TENM3: variants seen among roughly 807,000 people sequenced by gnomAD.
The protein encoded by TENM3 is teneurin-3.
Under a neutral mutation model 255.1 loss-of-function variants are expected in TENM3, and 63 were observed. The observed-to-expected ratio is 0.25, with a 90% CI of 0.20 to 0.30. The LOEUF (loss-of-function observed/expected upper bound fraction) is 0.30, where lower values mean the gene tolerates loss of function less well. Ranked by LOEUF, TENM3 falls within the 10% of genes least tolerant of loss-of-function variation. The probability of loss-of-function intolerance (pLI) is 1.00; values close to 1 mark genes in which losing one functional copy is unlikely to be tolerated. For synonymous variants in TENM3, 1,306 were observed against 1,322.3 expected, an observed-to-expected ratio of 0.99 and a Z score of 0.27; for missense variants, 2,929 against 3,461.1, an observed-to-expected ratio of 0.85 and a Z score of 3.86.
chr4:182,680,445 GGA>G, intron 9 of TENM3, 96 bp downstream of exon 9: 1 of 1,407,858 alleles, frequency 7.1e-7, no homozygotes, highest in Non-Finnish European at 1.0e-6. Context: ...AAAGGGGGGG[GGA>G]GACTGGCATA....
chr4:182,732,032 T>C (rs10001735), intron 16 of TENM3, among the ~76,000 whole-genome samples: 51,685 of 151,866 alleles, frequency 0.34, 9,608 homozygotes, highest in African/African-American at 0.47. Context: ...CCGCCCACCT[T>C]GACCTCCCAA....
chr4:181,532,855 T>G, the TENM3 span, among the ~76,000 whole-genome samples: 15 of 152,370 alleles, frequency 9.8e-5, no homozygotes, highest in African/African-American at 3.4e-4. Context: ...AACATTTATT[T>G]TCAGCATCTT....
intron 5 of TENM3, among the ~76,000 whole-genome samples, chr4:182,650,893 T>TAA (rs1753210807): frequency 1.9e-5 from 1 of 52,500 alleles, no homozygotes; most frequent in Non-Finnish European, 3.7e-5. Context: ...AAAAAAAATA[T>TAA]ATATATATAT....
At chr4:181,799,871 G>C in the TENM3 span, among the ~76,000 whole-genome samples, 1 of 152,190 alleles carries the variant, frequency 6.6e-6, no homozygotes, top group Non-Finnish European at 1.5e-5. Flanking sequence ...CAAGTCGGAA[G>C]CAGCCTGTCT....
chr4:181,487,792 A>G, the TENM3 span, among the ~76,000 whole-genome samples: 1 of 152,114 alleles, frequency 6.6e-6, no homozygotes, highest in Non-Finnish European at 1.5e-5. Flanking sequence ...GCCGCATTAG[A>G]TCCAGACCCC....
At chr4:182,417,729 T>C (rs1770496515) in intron 3 of TENM3, among the ~76,000 whole-genome samples, 1 of 152,192 alleles carries the variant, frequency 6.6e-6, no homozygotes, top group Non-Finnish European at 1.5e-5. Flanking sequence ...TAAATGATAG[T>C]TACATTGTTA....
the TENM3 span, among the ~76,000 whole-genome samples, chr4:181,847,361 C>G: frequency 2.0e-5 from 3 of 152,114 alleles, no homozygotes; most frequent in Non-Finnish European, 4.4e-5. Flanking sequence ...GTGCCATAAT[C>G]ATATTAAAGG....
At chr4:182,556,948 A>G (rs1742645339) in intron 3 of TENM3, among the ~76,000 whole-genome samples, 2 of 152,200 alleles carry the variant, frequency 1.3e-5, no homozygotes, top group African/African-American at 4.8e-5. Flanking sequence ...TAGAGGCAGT[A>G]TTCATCTAAT....
At chr4:182,573,487 G>T (rs1314376980) in intron 3 of TENM3, among the ~76,000 whole-genome samples, 1 of 152,268 alleles carries the variant, frequency 6.6e-6, no homozygotes, top group South Asian at 2.1e-4. Flanking sequence ...TTATAGTGAT[G>T]AAATTTTGTG....
the TENM3 span, among the ~76,000 whole-genome samples, chr4:181,665,373 A>C: frequency 1.3e-5 from 2 of 152,184 alleles, no homozygotes; most frequent in African/African-American, 4.8e-5. Flanking sequence ...TTTTTCTCCT[A>C]GTCCCATTCC....
At chr4:181,650,886 G>T in the TENM3 span, among the ~76,000 whole-genome samples, 2 of 152,194 alleles carry the variant, frequency 1.3e-5, no homozygotes. Flanking sequence ...TTTGAGTCCT[G>T]TTCGAATTAA....
intron 3 of TENM3, among the ~76,000 whole-genome samples, chr4:182,460,216 TAAAG>T (rs1433415870): frequency 1.3e-5 from 2 of 152,256 alleles, no homozygotes; most frequent in Non-Finnish European, 2.9e-5. Flanking sequence ...AAAAATTGAA[TAAAG>T]AAAGGTACAT....
At chr4:182,426,252 TG>T (rs1771215178) in intron 3 of TENM3, among the ~76,000 whole-genome samples, 1 of 152,120 alleles carries the variant, frequency 6.6e-6, no homozygotes, top group African/African-American at 2.4e-5. Context: ...ATTGGTTGCG[TG>T]GGTAGCTCCT....
chr4:181,489,464 G>T, the TENM3 span, among the ~76,000 whole-genome samples: 17 of 152,198 alleles, frequency 1.1e-4, no homozygotes, highest in Admixed American at 9.8e-4. Context: ...TAATCAATGC[G>T]GGTTCTTTAC....
intron 25 of TENM3, among the ~76,000 whole-genome samples, chr4:182,791,479 A>G (rs1278107423): frequency 6.6e-6 from 1 of 152,214 alleles, no homozygotes; most frequent in African/African-American, 2.4e-5. Context: ...CTCATGAAAT[A>G]GAGTTCACTT....
intron 2 of TENM3, among the ~76,000 whole-genome samples, chr4:182,326,191 T>C (rs1763393725): frequency 6.6e-6 from 1 of 152,208 alleles, no homozygotes; most frequent in South Asian, 2.1e-4. Flanking sequence ...ACTTGATGTG[T>C]ATGAATCCGA....
chr4:181,749,618 CT>C, the TENM3 span, among the ~76,000 whole-genome samples: 1 of 152,076 alleles, frequency 6.6e-6, no homozygotes, highest in African/African-American at 2.4e-5. Flanking sequence ...AAGAAGATTT[CT>C]TTTTAAAGTT....
chr4:181,699,496 T>C, the TENM3 span, among the ~76,000 whole-genome samples: 1 of 120,512 alleles, frequency 8.3e-6, no homozygotes, highest in Non-Finnish European at 1.9e-5. Context: ...AGAAAATACT[T>C]TAGATACATT....
intron 3 of TENM3, among the ~76,000 whole-genome samples, chr4:182,511,960 A>T (rs1737442397): frequency 6.6e-6 from 1 of 152,190 alleles, no homozygotes; most frequent in Non-Finnish European, 1.5e-5. Flanking sequence ...AAATGACACT[A>T]ATTAGATTTA....
Sources: allele counts gnomAD v4.1 joint callset (sites outside exome capture counted in the v4.1 genomes callset), GRCh38; gene constraint gnomAD v4.1.1; transcripts MANE v1.5; gene names NCBI Gene and HGNC (gene_info 2026-07-23, HGNC 2026-07-21).